GMNC: variants seen among roughly 807,000 people sequenced by gnomAD.
GMNC encodes the protein geminin coiled-coil domain-containing protein 1.
A neutral mutation model predicts 33.6 loss-of-function variants in GMNC; 16 were observed. That is an observed-to-expected ratio of 0.48 (90% CI 0.32 to 0.72). GMNC has a LOEUF of 0.72. GMNC is among the 30% of genes least tolerant of loss of function. The pLI, the probability that GMNC is intolerant of heterozygous loss-of-function variation, is 0.03. For missense variants in GMNC, 393 were observed against 388.9 expected (o/e 1.01, Z -0.09); for synonymous variants, 156 against 147.3 (o/e 1.06, Z -0.43).
chr3:190,856,719 A>G (rs1377888551), intron 4 of GMNC, among the ~76,000 whole-genome samples: 1 of 151,610 alleles, frequency 6.6e-6, no homozygotes, highest in African/African-American at 2.4e-5. Context: ...CTCTGATTAA[A>G]CACTATACAA....
At chr3:190,859,544 G>A (rs1184138639) in intron 2 of GMNC, among the ~76,000 whole-genome samples, 1 of 152,108 alleles carries the variant, frequency 6.6e-6, no homozygotes, top group East Asian at 1.9e-4. Flanking sequence ...ATTTTATGTG[G>A]TAGCACTTTC....
At chr3:190,844,466 A>G in the GMNC span, among the ~76,000 whole-genome samples, 1 of 151,042 alleles carries the variant, frequency 6.6e-6, no homozygotes, top group Admixed American at 6.6e-5. Context: ...TTGATTCCTT[A>G]TATATAAGAA....
chr3:190,859,372 T>C lies in GMNC; in HGVS notation c.179-356A>G, dbSNP rs796161231. Among the ~76,000 whole-genome samples, 11 of 152,304 alleles carry C rather than the reference T, an allele frequency of 7.2e-5. 2 individuals are homozygous for C. The highest frequency in any genetic ancestry group is 2.6e-4 in the African/African-American group (11 of 41,558). The stretch of plus-strand genomic sequence containing the variant: ...GATCTCCCCCAAACTCGGCATAACA[T>C]TGTAATTCCATTATGTTTTTCTAGT... On this transcript the variant is annotated intron_variant, in intron 2 of 4. Coordinates refer to ENST00000442080, the MANE Select transcript of GMNC (RefSeq NM_001146686.3).
At chr3:190,857,993 T>C (rs1223370109) in intron 3 of GMNC, 94 bp from the exon 4 acceptor site, 7 of 730,898 alleles carry the variant, frequency 9.6e-6, no homozygotes, top group African/African-American at 7.0e-5. Context: ...TTAAACTTGA[T>C]GATTGTTTGT....
At chr3:190,845,303 G>T in the GMNC span, among the ~76,000 whole-genome samples, 2 of 152,060 alleles carry the variant, frequency 1.3e-5, no homozygotes, top group African/African-American at 2.4e-5. Context: ...GGCAACAAAT[G>T]ATTTAAAAGC....
chr3:190,858,136 G>A (rs1737787398), intron 3 of GMNC: 1 of 445,314 alleles, frequency 2.2e-6, no homozygotes, highest in Non-Finnish European at 4.0e-6. Flanking sequence ...GATTATAATA[G>A]ACTTTTAAAA....
chr3:190,849,282 G>T (rs916902948), downstream of GMNC, among the ~76,000 whole-genome samples: 22 of 152,166 alleles, frequency 1.4e-4, no homozygotes, highest in Admixed American at 1.4e-3. Context: ...GATTCCTGGG[G>T]TGCACACACG....
chr3:190,858,957 G>A lies in GMNC; in HGVS notation c.238C>T (p.Leu80Phe), dbSNP rs1222673923. Reference protein sequence around the residue: ...PDLCSWEEAQLSSQLYRNKQL... With the variant: ...PDLCSWEEAQFSSQLYRNKQL... ...TTATTTCTGTAGAGCTGAGAGGAAA[G>A]CTGAGCCTCTTCCCATGAGCACAAG... The change falls in exon 3 of 5, where the codon CTT becomes TTT. Residue 80 changes from leucine (L) to phenylalanine (F), a missense_variant. Physicochemically the swap from Leu to Phe is conservative, Grantham distance 22. Coordinates refer to ENST00000442080, the MANE Select transcript of GMNC (RefSeq NM_001146686.3). 6.5e-7 allele frequency: 1 copy of A among 1,550,236 alleles called. No individual in the cohort carries two copies. Among genetic ancestry groups the A allele is most frequent in the Admixed American group, 2.0e-5 (1 of 51,004 alleles).
At position 190,860,832 on chromosome 3, in the gene GMNC, C is replaced by T; in HGVS notation, c.30G>A (p.Gln10=). 1 of 1,550,408 alleles carries T rather than the reference C, an allele frequency of 6.4e-7. No homozygotes were observed. Among genetic ancestry groups the T allele is most frequent in the Non-Finnish European group, 8.7e-7 (1 of 1,146,430 alleles). MNTILPCQD[Q]YFVGGQSYNC... is the part of the protein sequence containing the mutation. ...TATAGCTCTGGCCTCCTACAAAGTA[C>T]TGGTCTTGGCAAGGCAGAATGGTGT... Residue 10 remains glutamine (Q), a synonymous_variant, in exon 2 of 5, where the codon CAG becomes CAA. Coordinates refer to ENST00000442080, the MANE Select transcript of GMNC (RefSeq NM_001146686.3).
Position 190,861,471 on chromosome 3 carries a change from T to TATCTATC in GMNC, c.4-620_4-614dup, listed in dbSNP as rs1216853834. 6.6e-6 allele frequency among the ~76,000 whole-genome samples: 1 copy of TATCTATC among 151,002 alleles called. No individual in the cohort carries two copies. Among genetic ancestry groups the TATCTATC allele is most frequent in the Non-Finnish European group, 1.5e-5 (1 of 67,710 alleles). On this transcript the variant is annotated intron_variant, in intron 1 of 4. Transcript: ENST00000442080. The surrounding 1 kb of genome is among the most constrained non-coding windows in gnomAD (Gnocchi z 5.1). Reference sequence around the variant, plus strand: ...TCTGCCTATCATCTATCTATCTATCTATCTATCTATCTATCTATCTATCTA... The same window carrying TATCTATC: ...TCTGCCTATCATCTATCTATCTATCTATCTATCATCTATCTATCTATCTATCTATCTA...
chr3:190,848,026 T>G (rs1737578443), downstream of GMNC, among the ~76,000 whole-genome samples: 1 of 152,202 alleles, frequency 6.6e-6, no homozygotes, highest in Non-Finnish European at 1.5e-5. Flanking sequence ...TAGGCCTGCC[T>G]CAGTCTTGAA....
At position 190,855,005 on chromosome 3, in the gene GMNC, T is replaced by C. The variant is rs188454328; in HGVS notation, c.*290A>G. 14 of 357,410 alleles carry C rather than the reference T, an allele frequency of 3.9e-5. No individual in the cohort carries two copies. The highest frequency in any genetic ancestry group is 6.7e-5 in the Non-Finnish European group (13 of 192,644). 22.1% of individuals were successfully genotyped at this position (357,410 alleles called of 1,614,324 possible). A position where few individuals can be genotyped will look rare whatever the true frequency, so the allele number is the denominator to read the frequency against. On this transcript the variant is annotated 3_prime_UTR_variant, in exon 5 of 5. Transcript: ENST00000442080. ...AATGTATCTAGGTCTTAAAGGAATA[T>C]AGAAGTGAGTGGAAAATACCTTATC...
rs1474369222 is a variant in GMNC, at chr3:190,853,985, A to AAG, written c.*1308_*1309dup. 1.3e-5 allele frequency: 2 copies of AAG among 152,282 alleles called. No individual in the cohort carries two copies. The highest frequency in any genetic ancestry group is 3.8e-4 in the East Asian group (2 of 5,196). The allele number at this position is 152,282 out of a possible 1,614,324, so 9.4% of individuals were successfully genotyped here. A position where few individuals can be genotyped will look rare whatever the true frequency, so the allele number is the denominator to read the frequency against. Reference sequence around the variant, plus strand: ...TTAACTGCAAAATGGGCTCTAGAAAAAGAGTACTGTGATCAGAGCAATGAT... The same window carrying AAG: ...TTAACTGCAAAATGGGCTCTAGAAAAAGAGAGTACTGTGATCAGAGCAATGAT... On this transcript the variant is annotated 3_prime_UTR_variant, in exon 5 of 5. Transcript: ENST00000442080.
At chr3:190,844,261 C>G in the GMNC span, among the ~76,000 whole-genome samples, 2 of 151,830 alleles carry the variant, frequency 1.3e-5, no homozygotes, top group African/African-American at 4.8e-5. Context: ...TTGATATTAG[C>G]AAAAATATAA....
chr3:190,856,174 T>A (rs1333651128), intron 4 of GMNC, among the ~76,000 whole-genome samples: 1 of 149,918 alleles, frequency 6.7e-6, no homozygotes, highest in African/African-American at 2.4e-5. Flanking sequence ...ATTATAACAA[T>A]AATAGCACTA....
chr3:190,852,725 CAGG>C (rs1207092578), downstream of GMNC, among the ~76,000 whole-genome samples: 3 of 152,094 alleles, frequency 2.0e-5, no homozygotes, highest in Admixed American at 6.5e-5. Flanking sequence ...GGTTACAAAC[CAGG>C]AGAAGAAAAT....
chr3:190,847,330 G>C, the GMNC span, among the ~76,000 whole-genome samples: 48 of 152,236 alleles, frequency 3.2e-4, no homozygotes, highest in Middle Eastern at 0.024. Context: ...TATATTCGTG[G>C]GGTCCTTCTA....
At chr3:190,845,804 G>T in the GMNC span, among the ~76,000 whole-genome samples, 1 of 152,074 alleles carries the variant, frequency 6.6e-6, no homozygotes, top group African/African-American at 2.4e-5. Context: ...ACCGCGCCGG[G>T]CCTCAAAACT....
rs1439971669 is a variant in GMNC at position 190,860,808 on chromosome 3, A to T, written c.54T>A (p.Tyr18Ter). ...QDQYFVGGQS[Y>*]NCPYSTTTSE... The stretch of plus-strand genomic sequence containing the variant: ...ACGTTGTAGTGGAATACGGGCAATT[A>T]TAGCTCTGGCCTCCTACAAAGTACT... The change falls in exon 2 of 5, where the codon TAT (tyrosine) becomes TAA (stop). Residue 18 changes from tyrosine to a stop codon, truncating the protein, a stop_gained. Transcript: ENST00000442080. LOFTEE classifies it high-confidence loss of function. The T allele has an allele frequency of 5.2e-6, 8 of 1,551,430 alleles. No individual in the cohort carries two copies. Among genetic ancestry groups the T allele is most frequent in the Non-Finnish European group, 2.6e-6 (3 of 1,146,926 alleles).
Sources: allele counts gnomAD v4.1 joint callset (sites outside exome capture counted in the v4.1 genomes callset), GRCh38; gene constraint gnomAD v4.1.1; non-coding constraint Gnocchi (gnomAD v3.1); transcripts MANE v1.5; gene names NCBI Gene and HGNC (gene_info 2026-07-23, HGNC 2026-07-21).